Variants in STX18 observed in about 807,000 individuals in gnomAD.
STX18 encodes the protein syntaxin-18.
Under a neutral mutation model 50.1 loss-of-function variants are expected in STX18, and 40 were observed. That is an observed-to-expected ratio of 0.80 (90% CI 0.62 to 1.04). The LOEUF is 1.04. Among genes scored for constraint, STX18 ranks in the 50% least tolerant of loss-of-function variants. The pLI is 0.00. For missense variants in STX18, 410 were observed against 415.8 expected (o/e 0.99, Z 0.12); for synonymous variants, 158 against 151.8 (o/e 1.04, Z -0.30).
intron 2 of STX18, among the ~76,000 whole-genome samples, chr4:4,465,825 A>G (rs989797985): frequency 1.3e-5 from 2 of 152,210 alleles, no homozygotes; most frequent in African/African-American, 4.8e-5. Flanking sequence ...CATATCTGCA[A>G]TGTTACCTGT....
At chr4:4,466,801 G>C (rs1235745540) in intron 2 of STX18, among the ~76,000 whole-genome samples, 3 of 152,202 alleles carry the variant, frequency 2.0e-5, no homozygotes, top group Non-Finnish European at 4.4e-5. Flanking sequence ...CTACAATAGA[G>C]AAAGAGTTAA....
chr4:4,467,991 T>G (rs1727704540), intron 2 of STX18, among the ~76,000 whole-genome samples: 1 of 152,174 alleles, frequency 6.6e-6, no homozygotes. Context: ...GTAGAAGAGC[T>G]GAGAAAAAAC....
chr4:4,539,861 T>C (rs912351801), intron 1 of STX18, among the ~76,000 whole-genome samples: 5 of 152,202 alleles, frequency 3.3e-5, no homozygotes, highest in Admixed American at 3.3e-4. Flanking sequence ...TCCAAAGGGC[T>C]TGCCAACCCA....
intron 1 of STX18, among the ~76,000 whole-genome samples, chr4:4,516,752 A>G (rs1192427658): frequency 2.0e-5 from 3 of 152,338 alleles, no homozygotes; most frequent in East Asian, 3.9e-4. Context: ...GTCTGTGCTA[A>G]CATTAAAACT....
At position 4,535,823 on chromosome 4, in the gene STX18, T is replaced by C. The variant is rs571625099; in HGVS notation, c.168+5974A>G. 2.0e-5 allele frequency among the ~76,000 whole-genome samples: 3 copies of C among 152,358 alleles called. No individual in the cohort carries two copies. The South Asian group carries it at 6.2e-4, about 32-fold the overall frequency. ...TGGACTCACTGTACCTGTTGCATGA[T>C]ACTGCTTCTTTGAATCATGCTCCCT... is the stretch of plus-strand genomic sequence containing the variant. On this transcript the variant is annotated intron_variant, in intron 1 of 10. Coordinates refer to ENST00000306200, the MANE Select transcript of STX18 (RefSeq NM_016930.4).
intron 5 of STX18, among the ~76,000 whole-genome samples, chr4:4,440,016 T>A (rs1294159650): frequency 6.6e-6 from 1 of 152,236 alleles, no homozygotes; most frequent in Admixed American, 6.5e-5. Context: ...TGCCTGGTAT[T>A]CCATTGCATA....
chr4:4,478,363 T>A (rs28482061), intron 1 of STX18, among the ~76,000 whole-genome samples: 1 of 151,978 alleles, frequency 6.6e-6, no homozygotes, highest in African/African-American at 2.4e-5. Flanking sequence ...GGTTCACAAA[T>A]ACAGCAAGGA....
intron 1 of STX18, among the ~76,000 whole-genome samples, chr4:4,535,667 C>A (rs1731298809): frequency 6.6e-6 from 1 of 152,140 alleles, no homozygotes; most frequent in Non-Finnish European, 1.5e-5. Flanking sequence ...AGGTTCCTGC[C>A]ATATTTAAAA....
chr4:4,487,146 C>T (rs1728734128), intron 1 of STX18, among the ~76,000 whole-genome samples: 1 of 152,124 alleles, frequency 6.6e-6, no homozygotes, highest in South Asian at 2.1e-4. Context: ...CACGAGGGTA[C>T]ACTCTTTCTG....
In STX18 at chr4:4,469,402, G is replaced by A. The variant is rs181232351; in HGVS notation, c.236+2237C>T. ...ATCCCTGATTAGACTTTCTCCCCAT[G>A]TTTGGCACTGACGTGAAATGAAGCG... On this transcript the variant is annotated intron_variant, in intron 2 of 10. Transcript: ENST00000306200. 1.9e-4 allele frequency among the ~76,000 whole-genome samples: 29 copies of A among 151,618 alleles called. 1 individual carries two copies. In the East Asian group the frequency reaches 5.2e-3, roughly 27 times the overall value.
At chr4:4,486,391 A>C (rs1336392829) in intron 1 of STX18, among the ~76,000 whole-genome samples, 1 of 152,250 alleles carries the variant, frequency 6.6e-6, no homozygotes, top group Non-Finnish European at 1.5e-5. Flanking sequence ...TAAAATAGAC[A>C]AGAAAAGAAT....
chr4:4,495,311 T>TG (rs1381913480), intron 1 of STX18, among the ~76,000 whole-genome samples: 1 of 152,202 alleles, frequency 6.6e-6, no homozygotes, highest in East Asian at 1.9e-4. Flanking sequence ...GCCAACAATG[T>TG]TAAAATGTTC....
At chr4:4,542,227 T>G, upstream of STX18, 1 of 408,472 alleles carries the variant, frequency 2.4e-6, no homozygotes. Context: ...TTGGAGGGTT[T>G]AGCTGCGCGG....
Position 4,419,227 on chromosome 4 carries a change from CG to C in STX18, c.*806del, listed in dbSNP as rs1724780640. The C allele has an allele frequency of 6.6e-6, 1 of 152,238 alleles. No homozygotes were observed. Among genetic ancestry groups the C allele is most frequent in the African/African-American group, 2.4e-5 (1 of 41,466 alleles). The allele number at this position is 152,238 out of a possible 1,614,324, so 9.4% of individuals were successfully genotyped here. On this transcript the variant is annotated 3_prime_UTR_variant, in exon 11 of 11. Transcript: ENST00000306200. The stretch of plus-strand genomic sequence containing the variant: ...TTCCTGGAGGTCAGAAGCACAGGCA[CG>C]AGAGAAGCAGGCCCGTTCTTCCGTG...
At chr4:4,483,165 C>T (rs764224714) in intron 1 of STX18, among the ~76,000 whole-genome samples, 2 of 152,160 alleles carry the variant, frequency 1.3e-5, no homozygotes, top group Non-Finnish European at 2.9e-5. Context: ...TCTAATTTCT[C>T]ATATTAGCAA....
At chr4:4,539,140 C>A (rs1321430940) in intron 1 of STX18, among the ~76,000 whole-genome samples, 2 of 152,134 alleles carry the variant, frequency 1.3e-5, no homozygotes, top group African/African-American at 4.8e-5. Context: ...AGATGGAAAT[C>A]TGGCATCAGG....
chr4:4,438,348 G>A (rs1168614323), intron 6 of STX18, 46 bp downstream of exon 6: 8 of 1,435,838 alleles, frequency 5.6e-6, no homozygotes, highest in Non-Finnish European at 7.8e-6. Context: ...TTGCCAACAT[G>A]TCACAAGGAA....
chr4:4,444,664 T>C (rs575840837), intron 5 of STX18, among the ~76,000 whole-genome samples: 2 of 152,354 alleles, frequency 1.3e-5, no homozygotes, highest in South Asian at 4.1e-4. Context: ...TATAATATAC[T>C]GTAACTATGA....
At chr4:4,433,157 G>A (rs1560160910) in intron 7 of STX18, among the ~76,000 whole-genome samples, 1 of 152,226 alleles carries the variant, frequency 6.6e-6, no homozygotes, top group Non-Finnish European at 1.5e-5. Context: ...CTGTGTAATA[G>A]TGATAATTCC....
Sources: allele counts gnomAD v4.1 joint callset (sites outside exome capture counted in the v4.1 genomes callset), GRCh38; gene constraint gnomAD v4.1.1; transcripts MANE v1.5; gene names NCBI Gene and HGNC (gene_info 2026-07-23, HGNC 2026-07-21).